The following PTPRK variants were observed in gnomAD, a reference collection of about 807,000 sequenced individuals.
PTPRK encodes the protein receptor-type tyrosine-protein phosphatase kappa.
PTPRK carries 75 observed loss-of-function variants against 178.0 expected under a neutral mutation model. The observed-to-expected ratio is 0.42, with a 90% CI of 0.35 to 0.51. PTPRK has a LOEUF of 0.51. Among genes scored for constraint, PTPRK ranks in the 20% least tolerant of loss-of-function variants. The probability of loss-of-function intolerance (pLI) is 0.02; values close to 1 mark genes in which losing one functional copy is unlikely to be tolerated. For synonymous variants in PTPRK, 637 were observed against 620.6 expected, an observed-to-expected ratio of 1.03 and a Z score of -0.39; for missense variants, 1,441 against 1,797.8, an observed-to-expected ratio of 0.80 and a Z score of 3.59.
intron 1 of PTPRK, among the ~76,000 whole-genome samples, chr6:128,406,428 G>GT (rs1360032371): frequency 1.3e-5 from 2 of 151,942 alleles, no homozygotes; most frequent in Non-Finnish European, 2.9e-5. Context: ...AAGAATGATG[G>GT]TTTTTTTCTG....
At chr6:128,200,811 A>AGAG (rs1317315677) in intron 6 of PTPRK, among the ~76,000 whole-genome samples, 1 of 140,010 alleles carries the variant, frequency 7.1e-6, no homozygotes, top group East Asian at 2.2e-4. Context: ...AGAAAGAGAG[A>AGAG]GAGAAGAAGA....
At chr6:128,482,364 G>A (rs932117985) in intron 1 of PTPRK, among the ~76,000 whole-genome samples, 2 of 152,062 alleles carry the variant, frequency 1.3e-5, no homozygotes, top group African/African-American at 4.8e-5. Context: ...TATTGCTTAC[G>A]CTACTCTGAA....
At chr6:128,068,018 A>G (rs2114944212) in intron 11 of PTPRK, among the ~76,000 whole-genome samples, 1 of 152,340 alleles carries the variant, frequency 6.6e-6, no homozygotes, top group East Asian at 1.9e-4. Context: ...AAACTGATAA[A>G]AAGAAGAACA....
chr6:128,099,211 T>C (rs547819766), intron 7 of PTPRK, among the ~76,000 whole-genome samples: 53 of 150,958 alleles, frequency 3.5e-4, no homozygotes, highest in South Asian at 4.2e-4. Context: ...TTCTTTTTTA[T>C]CCAAATCCCT....
intron 2 of PTPRK, among the ~76,000 whole-genome samples, chr6:128,361,439 A>AT (rs1271838023): frequency 1.3e-5 from 2 of 152,330 alleles, no homozygotes; most frequent in East Asian, 3.9e-4. Flanking sequence ...TATAAAATGT[A>AT]TAAATTTCAG....
In PTPRK at chr6:128,226,796, A is replaced by ATG. The variant is rs1554356224; in HGVS notation, c.694-7701_694-7700insCA. Among the ~76,000 whole-genome samples, 21 of 128,786 alleles carry ATG rather than the reference A, an allele frequency of 1.6e-4. 1 individual carries two copies. The highest frequency in any genetic ancestry group is 5.8e-4 in the African/African-American group (21 of 35,900). The allele number at this position is 128,786 out of a possible 152,430, so 84.5% of individuals were successfully genotyped here. A position where few individuals can be genotyped will look rare whatever the true frequency, so the allele number is the denominator to read the frequency against. On this transcript the variant is annotated intron_variant, in intron 5 of 29. Coordinates refer to ENST00000368226, the MANE Select transcript of PTPRK (RefSeq NM_002844.4). Reference sequence around the variant, plus strand: ...TATATATATATATATATATATATATATATTTCAATAAAATCATATCTATCT... The same window carrying ATG: ...TATATATATATATATATATATATATATGTATTTCAATAAAATCATATCTATCT...
Position 127,973,735 on chromosome 6 carries a change from T to C in PTPRK, c.4062A>G (p.Lys1354=). 1 of 1,613,996 alleles carries C rather than the reference T, an allele frequency of 6.2e-7. No individual in the cohort carries two copies. Among genetic ancestry groups the C allele is most frequent in the South Asian group, 1.1e-5 (1 of 91,070 alleles). Residue 1354 remains lysine, a synonymous_variant, in exon 28 of 30, where the codon AAA becomes AAG. Coordinates refer to ENST00000368226, the MANE Select transcript of PTPRK (RefSeq NM_002844.4). ...GCCACTTTTCCACCTGAAGTATCAG[T>C]TTCAAGAATGACCTTTTGGATCCAG... ...EVPGSKRSFL[K]LILQVEKWQE... is the part of the protein sequence containing the mutation.
At chr6:128,091,565 A>G (rs562965544) in intron 7 of PTPRK, among the ~76,000 whole-genome samples, 3 of 152,330 alleles carry the variant, frequency 2.0e-5, no homozygotes, top group Admixed American at 6.5e-5. Context: ...AGATTCAGCC[A>G]TATCTTGTTC....
intron 2 of PTPRK, among the ~76,000 whole-genome samples, chr6:128,374,680 A>G (rs1449026354): frequency 2.0e-5 from 3 of 152,090 alleles, no homozygotes; most frequent in African/African-American, 7.2e-5. Context: ...GATTATCACA[A>G]CTGCCTAATA....
At chr6:128,069,337 A>C (rs1184341503) in intron 11 of PTPRK, among the ~76,000 whole-genome samples, 2 of 152,160 alleles carry the variant, frequency 1.3e-5, no homozygotes, top group Admixed American at 1.3e-4. Flanking sequence ...TATGTGCTGC[A>C]TCATTCCCTA....
intron 7 of PTPRK, among the ~76,000 whole-genome samples, chr6:128,155,781 T>A (rs1245310053): frequency 1.3e-5 from 2 of 151,892 alleles, no homozygotes; most frequent in African/African-American, 4.8e-5. Flanking sequence ...TTTAGTAAGC[T>A]TTGATACCTT....
intron 13 of PTPRK, among the ~76,000 whole-genome samples, chr6:128,055,350 A>T (rs973210724): frequency 4.6e-5 from 7 of 152,184 alleles, no homozygotes; most frequent in African/African-American, 1.7e-4. Flanking sequence ...TATATAAATG[A>T]ACTGGCCCTG....
rs191982571 is a variant in PTPRK at position 128,133,600 on chromosome 6, C to T, written c.1163-43608G>A. ...GCTTATATTTTGATAAAACATATTT[C>T]ACAAACCCAAAATTAAAATTGGATT... On this transcript the variant is annotated intron_variant, in intron 7 of 29. Transcript: ENST00000368226. Among the ~76,000 whole-genome samples, 14 of 152,186 alleles carry T rather than the reference C, an allele frequency of 9.2e-5. No homozygotes were observed. The East Asian group carries it at 1.9e-3, about 21-fold the overall frequency.
intron 2 of PTPRK, among the ~76,000 whole-genome samples, chr6:128,346,044 C>T (rs1363859323): frequency 6.6e-6 from 1 of 151,992 alleles, no homozygotes; most frequent in African/African-American, 2.4e-5. Context: ...AAAGAAACTC[C>T]TTTCACCTTG....
intron 1 of PTPRK, among the ~76,000 whole-genome samples, chr6:128,512,046 C>G (rs1412238241): frequency 1.3e-5 from 2 of 151,998 alleles, no homozygotes; most frequent in Non-Finnish European, 2.9e-5. Context: ...AAAAGCAGTA[C>G]TAGTAAAAAA....
At chr6:128,081,057 C>T (rs1442365761) in intron 10 of PTPRK, among the ~76,000 whole-genome samples, 1 of 151,860 alleles carries the variant, frequency 6.6e-6, no homozygotes, top group Non-Finnish European at 1.5e-5. Context: ...CAAAAATTTA[C>T]ATTTGTTCAA....
At chr6:128,143,116 A>T (rs1796012077) in intron 7 of PTPRK, among the ~76,000 whole-genome samples, 1 of 150,234 alleles carries the variant, frequency 6.7e-6, no homozygotes, top group Non-Finnish European at 1.5e-5. Flanking sequence ...AGATCTCTCC[A>T]TAAATGCCTT....
intron 13 of PTPRK, chr6:128,027,892 G>A (rs1487448324): frequency 6.6e-6 from 1 of 152,138 alleles, no homozygotes; most frequent in Non-Finnish European, 1.5e-5. Context: ...GTGCCCAGCT[G>A]TATCTTCTTT....
At position 128,364,865 on chromosome 6, in the gene PTPRK, TA is replaced by T. The variant is rs541220908; in HGVS notation, c.223+32700del. ...TCTTTAATATTGTGAACCAAGTTTT[TA>T]AAACTTTCCTTTTCCTGTCATCTTG... On this transcript the variant is annotated intron_variant, in intron 2 of 29. Transcript: ENST00000368226. Among the ~76,000 whole-genome samples the T allele has an allele frequency of 4.7e-3, 718 of 152,156 alleles. 7 individuals are homozygous for T. The highest frequency in any genetic ancestry group is 0.01 in the Middle Eastern group (3 of 294).
Sources: allele counts gnomAD v4.1 joint callset (sites outside exome capture counted in the v4.1 genomes callset), GRCh38; gene constraint gnomAD v4.1.1; transcripts MANE v1.5; gene names NCBI Gene and HGNC (gene_info 2026-07-23, HGNC 2026-07-21).